PLCL1: variants seen among roughly 807,000 people sequenced by gnomAD.
PLCL1 encodes the protein phospholipase C like 1 (inactive), also known as inactive phospholipase C-like protein 1.
In PLCL1, 41 loss-of-function variants were observed where a neutral mutation model predicts 84.4. That is an observed-to-expected ratio of 0.49 (90% CI 0.38 to 0.63). The LOEUF (loss-of-function observed/expected upper bound fraction) is 0.63. Among genes scored for constraint, PLCL1 ranks in the 30% least tolerant of loss-of-function variants. The pLI, the probability that PLCL1 is intolerant of heterozygous loss-of-function variation, is 0.00. For missense variants in PLCL1, 1,206 were observed against 1,367.8 expected, an observed-to-expected ratio of 0.88 and a Z score of 1.87; for synonymous variants, 490 against 488.3, an observed-to-expected ratio of 1.00 and a Z score of -0.05.
chr2:197,954,344 A>G (rs1237382254), intron 1 of PLCL1, among the ~76,000 whole-genome samples: 1 of 152,126 alleles, frequency 6.6e-6, no homozygotes, highest in Admixed American at 6.6e-5. Flanking sequence ...CATTTTGTAA[A>G]TAGCAGAAAA....
chr2:197,827,893 G>T (rs183386198), intron 1 of PLCL1, among the ~76,000 whole-genome samples: 49 of 152,126 alleles, frequency 3.2e-4, no homozygotes, highest in Non-Finnish European at 5.9e-5. Context: ...TTCTGTTTTA[G>T]CTTACTGATC....
intron 1 of PLCL1, among the ~76,000 whole-genome samples, chr2:197,858,381 GAGCCATGTGTTCACA>G (rs1687368110): frequency 6.6e-6 from 1 of 152,142 alleles, no homozygotes; most frequent in African/African-American, 2.4e-5. Context: ...CAAAGGGCCT[GAGCCATGTGTTCACA>G]TGGCTGTTTT....
intron 1 of PLCL1, among the ~76,000 whole-genome samples, chr2:198,075,318 G>C (rs923201584): frequency 2.0e-5 from 3 of 152,224 alleles, no homozygotes; most frequent in African/African-American, 4.8e-5. Flanking sequence ...ATCTGTCTTA[G>C]AGGGACAGGA....
intron 1 of PLCL1, among the ~76,000 whole-genome samples, chr2:198,045,248 A>G (rs898570188): frequency 6.6e-6 from 1 of 152,116 alleles, no homozygotes; most frequent in Non-Finnish European, 1.5e-5. Flanking sequence ...TAACATTTGT[A>G]TATAGTTTTT....
intron 1 of PLCL1, among the ~76,000 whole-genome samples, chr2:197,864,246 T>C (rs2105697035): frequency 6.6e-6 from 1 of 152,214 alleles, no homozygotes; most frequent in African/African-American, 2.4e-5. Context: ...ACATGGAAGT[T>C]ATTTTTCTGT....
intron 1 of PLCL1, among the ~76,000 whole-genome samples, chr2:198,064,292 A>G (rs1692274870): frequency 6.6e-6 from 1 of 152,208 alleles, no homozygotes; most frequent in Admixed American, 6.5e-5. Context: ...GCTCATCAAA[A>G]GTCAAATGTG....
chr2:198,145,070 C>T (rs186524335), intron 5 of PLCL1, among the ~76,000 whole-genome samples: 34 of 152,224 alleles, frequency 2.2e-4, no homozygotes, highest in Admixed American at 1.6e-3. Flanking sequence ...ATTGAATGAA[C>T]ATGTATAAAG....
At chr2:198,126,299 A>G (rs185803263) in intron 5 of PLCL1, among the ~76,000 whole-genome samples, 1 of 152,280 alleles carries the variant, frequency 6.6e-6, no homozygotes, top group Non-Finnish European at 1.5e-5. Context: ...CAGCCTTGAG[A>G]TCTTTTTGAA....
intron 1 of PLCL1, among the ~76,000 whole-genome samples, chr2:197,813,947 A>C (rs534494298): frequency 7.1e-4 from 108 of 152,330 alleles, no homozygotes; most frequent in Non-Finnish European, 8.4e-4. Context: ...CACTAAGTTC[A>C]GCTGACAAAT....
At chr2:197,890,045 A>G (rs1366185059) in intron 1 of PLCL1, among the ~76,000 whole-genome samples, 1 of 152,212 alleles carries the variant, frequency 6.6e-6, no homozygotes, top group African/African-American at 2.4e-5. Flanking sequence ...CATGCTAAAT[A>G]GAATAAGACA....
chr2:197,805,586 A>C lies in PLCL1; in HGVS notation c.240+247A>C, dbSNP rs1690456845. Among the ~76,000 whole-genome samples, 1 of 152,126 alleles carries C rather than the reference A, an allele frequency of 6.6e-6. No individual in the cohort carries two copies. The highest frequency in any genetic ancestry group is 1.5e-5 in the Non-Finnish European group (1 of 68,032). ...TTCCGCTCTGCGTCTTTGCGTTCTG[A>C]TGGATGCTTTCCCTCATTTTCTCTG... On this transcript the variant is annotated intron_variant, in intron 1 of 5. Coordinates refer to ENST00000428675, the MANE Select transcript of PLCL1 (RefSeq NM_006226.4). This position sits in a 1 kb window ranked among gnomAD's most constrained non-coding sequence, Gnocchi z 4.0.
chr2:198,018,420 G>A (rs761265873), intron 1 of PLCL1, among the ~76,000 whole-genome samples: 2 of 152,164 alleles, frequency 1.3e-5, no homozygotes, highest in Admixed American at 6.5e-5. Flanking sequence ...AAGCCAGGGA[G>A]CCAAGTGGTC....
At chr2:197,948,459 A>G (rs2105780445) in intron 1 of PLCL1, among the ~76,000 whole-genome samples, 1 of 151,566 alleles carries the variant, frequency 6.6e-6, no homozygotes, top group South Asian at 2.1e-4. Context: ...TTTTATGTGG[A>G]CTTTATATGC....
intron 1 of PLCL1, among the ~76,000 whole-genome samples, chr2:197,956,221 T>G (rs900929883): frequency 1.3e-5 from 2 of 152,146 alleles, no homozygotes; most frequent in Non-Finnish European, 2.9e-5. Flanking sequence ...AGTTTATCAT[T>G]GATGAATATT....
chr2:197,863,488 C>A (rs1188341071), intron 1 of PLCL1, among the ~76,000 whole-genome samples: 1 of 152,054 alleles, frequency 6.6e-6, no homozygotes, highest in Non-Finnish European at 1.5e-5. Flanking sequence ...AATTCTTGGA[C>A]ACATTTAATG....
At chr2:198,134,688 C>G (rs1420749626) in intron 5 of PLCL1, among the ~76,000 whole-genome samples, 2 of 152,154 alleles carry the variant, frequency 1.3e-5, no homozygotes, top group Non-Finnish European at 2.9e-5. Flanking sequence ...AAGGACATAT[C>G]TAGACCAGAT....
At position 198,081,901 on chromosome 2, in the gene PLCL1, T is replaced by C. The variant is rs181258443; in HGVS notation, c.241-1857T>C. Among the ~76,000 whole-genome samples the C allele has an allele frequency of 6.8e-4, 104 of 152,326 alleles. 3 individuals carry two copies. In the South Asian group the frequency reaches 0.013, roughly 20 times the overall value. On this transcript the variant is annotated intron_variant, in intron 1 of 5. Transcript: ENST00000428675. ...TTTAAAATATTTCCAATGAAGGATA[T>C]GGTCCAGACTACTTTGGTTATACTT...
intron 1 of PLCL1, among the ~76,000 whole-genome samples, chr2:198,019,246 C>T (rs1691075813): frequency 6.6e-6 from 1 of 152,138 alleles, no homozygotes; most frequent in African/African-American, 2.4e-5. Flanking sequence ...ACAGCAAAGA[C>T]CAAAGGTAGA....
intron 1 of PLCL1, among the ~76,000 whole-genome samples, chr2:197,927,306 T>C (rs758285186): frequency 3.1e-4 from 47 of 152,220 alleles, no homozygotes; most frequent in Non-Finnish European, 5.9e-4. Context: ...TTCTACCATG[T>C]CATTTAATGT....
Sources: gnomAD v4.1 joint callset for allele counts (sites outside exome capture counted in the v4.1 genomes callset) on GRCh38, gnomAD v4.1.1 for gene constraint, Gnocchi (gnomAD v3.1) non-coding constraint, MANE v1.5 for transcripts, NCBI Gene and HGNC (gene_info 2026-07-23, HGNC 2026-07-21) for gene names.